The following STRN3 variants were observed in gnomAD, a reference collection of about 807,000 sequenced individuals.
STRN3 encodes striatin-3.
STRN3 carries 29 observed loss-of-function variants against 95.6 expected under a neutral mutation model. The observed-to-expected ratio is 0.30, with a 90% CI of 0.23 to 0.41. The LOEUF is 0.41. STRN3 is among the 10% of genes least tolerant of loss of function. STRN3 has a pLI of 1.00. For synonymous variants in STRN3, 331 were observed against 357.6 expected, an observed-to-expected ratio of 0.93 and a Z score of 0.84; for missense variants, 890 against 972.1, an observed-to-expected ratio of 0.92 and a Z score of 1.12.
At chr14:31,013,781 G>GT (rs1163979694) in intron 1 of STRN3, among the ~76,000 whole-genome samples, 2 of 118,832 alleles carry the variant, frequency 1.7e-5, no homozygotes, top group South Asian at 8.4e-4. Flanking sequence ...TGTAGAAACG[G>GT]GGGGGGTCTC....
chr14:30,942,664 C>T (rs531855793), intron 5 of STRN3, among the ~76,000 whole-genome samples: 84 of 152,218 alleles, frequency 5.5e-4, no homozygotes, highest in African/African-American at 1.1e-3. Flanking sequence ...CCCAATGAGT[C>T]CTTATAAAGT....
intron 7 of STRN3, among the ~76,000 whole-genome samples, chr14:30,934,338 T>C (rs560866396): frequency 7.0e-4 from 106 of 151,916 alleles, no homozygotes; most frequent in East Asian, 1.5e-3. Flanking sequence ...ATAATAATAA[T>C]AACAATAATA....
At chr14:30,962,098 ACCTAGGCCTT>A (rs1157751876) in intron 1 of STRN3, among the ~76,000 whole-genome samples, 8 of 152,092 alleles carry the variant, frequency 5.3e-5, no homozygotes, top group African/African-American at 1.7e-4. Context: ...AATGATATTA[ACCTAGGCCTT>A]CCTAGGCCTT....
intron 1 of STRN3, among the ~76,000 whole-genome samples, chr14:30,997,037 G>A (rs908998400): frequency 6.6e-6 from 1 of 152,046 alleles, no homozygotes; most frequent in Non-Finnish European, 1.5e-5. Context: ...AAATGTGAAA[G>A]CCAGAAGGTT....
intron 5 of STRN3, among the ~76,000 whole-genome samples, chr14:30,943,729 GACA>G (rs535725361): frequency 5.9e-5 from 9 of 152,282 alleles, no homozygotes; most frequent in East Asian, 1.9e-4. Context: ...TGTCATAAAT[GACA>G]ACAAGAATGA....
intron 1 of STRN3, among the ~76,000 whole-genome samples, chr14:31,024,047 C>G (rs914977869): frequency 6.6e-6 from 1 of 152,112 alleles, no homozygotes; most frequent in African/African-American, 2.4e-5. Flanking sequence ...GTTAAGGAGA[C>G]CTAGAAGGGA....
intron 1 of STRN3, chr14:31,014,570 C>T: frequency 2.7e-5 from 11 of 409,072 alleles, no homozygotes; most frequent in South Asian, 2.0e-4. Flanking sequence ...TAAAGTCTAT[C>T]TAAAAGTAGT....
intron 1 of STRN3, among the ~76,000 whole-genome samples, chr14:30,968,509 G>A (rs1038681797): frequency 6.6e-6 from 1 of 151,582 alleles, no homozygotes; most frequent in Non-Finnish European, 1.5e-5. Flanking sequence ...GTGAAACCCC[G>A]TCTCCACTGA....
chr14:30,902,192 AAAAAAAAAAAAAAAAAT>A (rs1463557639), intron 16 of STRN3, among the ~76,000 whole-genome samples: 42 of 143,890 alleles, frequency 2.9e-4, no homozygotes, highest in African/African-American at 4.8e-4. Flanking sequence ...AAAAAAAAAA[AAAAAAAAAAAAAAAAAT>A]GGAAATGCCA....
At chr14:30,912,876 G>GA (rs1896645402) in intron 10 of STRN3, among the ~76,000 whole-genome samples, 2 of 151,044 alleles carry the variant, frequency 1.3e-5, no homozygotes, top group Admixed American at 1.3e-4. Context: ...ATAAAACGTG[G>GA]AAAAAAGAAA....
chr14:30,986,301 A>T (rs1191658848), intron 1 of STRN3, among the ~76,000 whole-genome samples: 1 of 148,914 alleles, frequency 6.7e-6, no homozygotes, highest in Non-Finnish European at 1.5e-5. Context: ...AAGAAAATTA[A>T]GAGAAATACG....
chr14:30,922,946 A>C (rs1896921933), intron 8 of STRN3, among the ~76,000 whole-genome samples: 1 of 152,234 alleles, frequency 6.6e-6, no homozygotes, highest in Admixed American at 6.5e-5. Flanking sequence ...GTTAAAGGAC[A>C]TGAATGTTTG....
intron 1 of STRN3, among the ~76,000 whole-genome samples, chr14:30,980,661 A>G (rs547221170): frequency 1.3e-5 from 2 of 152,134 alleles, no homozygotes; most frequent in Admixed American, 6.5e-5. Flanking sequence ...TCGGCCTCCC[A>G]AAGTGCTGGG....
At position 30,912,149 on chromosome 14, in the gene STRN3, A is replaced by C; in HGVS notation, c.1408T>G (p.Trp470Gly). 2 of 1,610,596 alleles carry C rather than the reference A, an allele frequency of 1.2e-6. No homozygotes were observed. Among genetic ancestry groups the C allele is most frequent in the Non-Finnish European group, 1.7e-6 (2 of 1,179,242 alleles). The part of the protein sequence containing the change: ...PANKDAFRKT[W>G]NPKYTLRSHF... ...CTACGTAGTGTATACTTGGGATTCC[A>C]TGTCTTTCGAAAGGCATCTTTATTA... Residue 470 changes from tryptophan to glycine, a missense_variant, in exon 11 of 18, where the codon TGG becomes GGG. This residue lies in a region of STRN3 where 357 missense variants were observed against 422.8 expected (regional missense o/e 0.84). Transcript: ENST00000357479.
chr14:30,935,493 T>A (rs944282033), intron 6 of STRN3, among the ~76,000 whole-genome samples, 189 bp from the exon 7 acceptor site: 1 of 152,224 alleles, frequency 6.6e-6, no homozygotes, highest in African/African-American at 2.4e-5. Flanking sequence ...TGTGCCAAGA[T>A]TGATCTAAGT....
At chr14:31,011,605 T>G (rs1338593720) in intron 1 of STRN3, among the ~76,000 whole-genome samples, 3 of 152,108 alleles carry the variant, frequency 2.0e-5, no homozygotes, top group Non-Finnish European at 4.4e-5. Flanking sequence ...ATCATGCCAA[T>G]GCACTCCAGC....
chr14:30,896,151 A>G (rs1896142175), intron 16 of STRN3, among the ~76,000 whole-genome samples: 1 of 152,210 alleles, frequency 6.6e-6, no homozygotes, highest in South Asian at 2.1e-4. Flanking sequence ...TTCACTTAAT[A>G]TAATGTTTTA....
At chr14:30,906,475 A>G (rs1896462643) in intron 14 of STRN3, among the ~76,000 whole-genome samples, 1 of 152,168 alleles carries the variant, frequency 6.6e-6, no homozygotes. Context: ...TTCAGTGACT[A>G]TGGCTGGACT....
intron 1 of STRN3, among the ~76,000 whole-genome samples, chr14:31,012,449 T>C (rs913537669): frequency 2.0e-5 from 3 of 152,200 alleles, no homozygotes; most frequent in African/African-American, 7.2e-5. Flanking sequence ...ACAACAGAGT[T>C]TGAGGCAGCA....
Sources: gnomAD v4.1 joint callset for allele counts (sites outside exome capture counted in the v4.1 genomes callset) on GRCh38, gnomAD v4.1.1 for gene constraint, gnomAD v4.1.1 regional missense constraint, MANE v1.5 for transcripts, NCBI Gene and HGNC (gene_info 2026-07-23, HGNC 2026-07-21) for gene names.